BCKDHB: variants seen among roughly 807,000 people sequenced by gnomAD.
The protein encoded by BCKDHB is 2-oxoisovalerate dehydrogenase subunit beta, mitochondrial.
In BCKDHB, 41 loss-of-function variants were observed where a neutral mutation model predicts 48.5. The ratio of observed to expected loss-of-function variants is 0.85; its 90% CI spans 0.66 to 1.10. The LOEUF (loss-of-function observed/expected upper bound fraction) is 1.10, where lower values mean the gene tolerates loss of function less well. BCKDHB is among the 50% of genes least tolerant of loss of function. The pLI is 0.00. For synonymous variants in BCKDHB, 201 were observed against 174.8 expected (o/e 1.15, Z -1.18); for missense variants, 496 against 494.2 (o/e 1.00, Z -0.03).
chr6:80,165,636 A>T (rs1480133980), intron 3 of BCKDHB, among the ~76,000 whole-genome samples: 1 of 152,192 alleles, frequency 6.6e-6, no homozygotes, highest in Non-Finnish European at 1.5e-5. Flanking sequence ...TTTCTAATGA[A>T]ATTCTGGCAT....
chr6:80,394,358 A>G, the BCKDHB span, among the ~76,000 whole-genome samples: 47 of 152,068 alleles, frequency 3.1e-4, no homozygotes, highest in Non-Finnish European at 5.4e-4. Flanking sequence ...TTATATTCTG[A>G]ATATATCTAT....
At chr6:80,343,127 G>A (rs1455605637) in intron 9 of BCKDHB, among the ~76,000 whole-genome samples, 1 of 152,188 alleles carries the variant, frequency 6.6e-6, no homozygotes, top group African/African-American at 2.4e-5. Flanking sequence ...TGGACTTGGG[G>A]TGTGAGTGGC....
At chr6:80,224,359 C>T (rs1242950218) in intron 8 of BCKDHB, among the ~76,000 whole-genome samples, 2 of 152,104 alleles carry the variant, frequency 1.3e-5, no homozygotes, top group East Asian at 1.9e-4. Flanking sequence ...CATATGTCTA[C>T]AAGCATTTCA....
At chr6:80,360,028 A>G in the BCKDHB span, among the ~76,000 whole-genome samples, 9 of 152,344 alleles carry the variant, frequency 5.9e-5, no homozygotes, top group African/African-American at 1.9e-4. Flanking sequence ...AAATTGCCTA[A>G]TCTTTTCTTA....
At chr6:80,329,408 A>G (rs1452183762) in intron 9 of BCKDHB, among the ~76,000 whole-genome samples, 1 of 152,196 alleles carries the variant, frequency 6.6e-6, no homozygotes, top group Non-Finnish European at 1.5e-5. Flanking sequence ...GGTATCCTAT[A>G]AATGAACCCT....
intron 3 of BCKDHB, among the ~76,000 whole-genome samples, chr6:80,149,768 A>G (rs1207318647): frequency 6.7e-6 from 1 of 148,408 alleles, no homozygotes; most frequent in African/African-American, 2.5e-5. Context: ...CATAGGTGGG[A>G]ATTGAACAAT....
intron 6 of BCKDHB, among the ~76,000 whole-genome samples, chr6:80,172,351 A>G (rs1772958366): frequency 1.3e-5 from 2 of 152,078 alleles, no homozygotes; most frequent in Non-Finnish European, 1.5e-5. Context: ...GTTCATTTCT[A>G]TTACAATAAT....
At chr6:80,118,675 T>C (rs1769837519) in intron 1 of BCKDHB, among the ~76,000 whole-genome samples, 1 of 152,216 alleles carries the variant, frequency 6.6e-6, no homozygotes, top group South Asian at 2.1e-4. Context: ...ACCCTGCCAC[T>C]TCTTTATCAG....
chr6:80,431,497 G>T, the BCKDHB span, among the ~76,000 whole-genome samples: 1 of 152,096 alleles, frequency 6.6e-6, no homozygotes, highest in Non-Finnish European at 1.5e-5. Context: ...TATGAATCTG[G>T]GTGCTCCTGT....
chr6:80,396,526 T>C, the BCKDHB span, among the ~76,000 whole-genome samples: 4 of 151,838 alleles, frequency 2.6e-5, no homozygotes, highest in Non-Finnish European at 5.9e-5. Context: ...GAAAATGAGA[T>C]TTGGGAGGGA....
intron 3 of BCKDHB, among the ~76,000 whole-genome samples, chr6:80,152,653 T>G (rs1771844899): frequency 1.3e-5 from 2 of 152,190 alleles, no homozygotes; most frequent in South Asian, 4.1e-4. Context: ...TTAGCTTACA[T>G]AAAGTTAAGA....
At chr6:80,282,412 T>A (rs1356146327) in intron 9 of BCKDHB, among the ~76,000 whole-genome samples, 1 of 150,280 alleles carries the variant, frequency 6.7e-6, no homozygotes, top group Non-Finnish European at 1.5e-5. Flanking sequence ...ATTCAAGAAT[T>A]CTAGGAATCC....
chr6:80,282,439 C>T (rs947094348), intron 9 of BCKDHB, among the ~76,000 whole-genome samples: 2 of 152,044 alleles, frequency 1.3e-5, no homozygotes, highest in African/African-American at 4.8e-5. Context: ...AGGAGTTAAA[C>T]ACAAAAATAT....
chr6:80,182,938 C>T (rs913818143), intron 6 of BCKDHB, among the ~76,000 whole-genome samples: 2 of 151,944 alleles, frequency 1.3e-5, no homozygotes, highest in African/African-American at 4.8e-5. Flanking sequence ...TTCATAAAAC[C>T]GTATTCATTT....
At chr6:80,450,400 A>G in the BCKDHB span, among the ~76,000 whole-genome samples, 7 of 152,144 alleles carry the variant, frequency 4.6e-5, no homozygotes, top group Non-Finnish European at 8.8e-5. Flanking sequence ...CTTGGCCAGT[A>G]GTGAGACAAG....
chr6:80,117,514 G>A (rs1309579784), intron 1 of BCKDHB, among the ~76,000 whole-genome samples: 1 of 152,192 alleles, frequency 6.6e-6, no homozygotes, highest in South Asian at 2.1e-4. Flanking sequence ...CCCAAAACTG[G>A]CCATAAAGAG....
chr6:80,106,779 C>T lies in BCKDHB; in HGVS notation c.86C>T (p.Ala29Val), dbSNP rs9448884. 278 of 1,592,448 alleles carry T rather than the reference C, an allele frequency of 1.7e-4. No homozygotes were observed. The African/African-American group carries it at 2.1e-3, about 12-fold the overall frequency. The change falls in exon 1 of 10, where the codon GCG becomes GTG. Residue 29 changes from alanine to valine, a missense_variant. By Grantham distance (64) the Ala-to-Val change is moderately conservative. Coordinates refer to ENST00000320393, the MANE Select transcript of BCKDHB (RefSeq NM_183050.4). ...AEGHWRRLPG[A>V]GLARGFLHPA... Reference sequence around the variant, plus strand: ...GGGCACTGGCGTCGGCTTCCTGGCGCGGGGCTGGCGCGGGGCTTTTTGCAC... The same window carrying T: ...GGGCACTGGCGTCGGCTTCCTGGCGTGGGGCTGGCGCGGGGCTTTTTGCAC...
the BCKDHB span, among the ~76,000 whole-genome samples, chr6:80,384,868 C>T: frequency 2.0e-5 from 3 of 152,106 alleles, no homozygotes; most frequent in Non-Finnish European, 4.4e-5. Context: ...GGATGGACTT[C>T]TTTTGTTGGT....
At position 80,344,084 on chromosome 6, in the gene BCKDHB, T is replaced by TC. The variant is rs71553605; in HGVS notation, c.*286dup. ...GGTGCAATCTCAGCTCACTGCAACC[T>TC]CCCCCCTACCCCTGAGTTCAAGCGA... is the stretch of plus-strand genomic sequence containing the variant. On this transcript the variant is annotated 3_prime_UTR_variant, in exon 10 of 10. Transcript: ENST00000320393. 2.3e-6 allele frequency: 1 copy of TC among 427,536 alleles called. No homozygotes were observed. The highest frequency in any genetic ancestry group is 4.3e-6 in the Non-Finnish European group (1 of 230,328). 26.5% of individuals were successfully genotyped at this position (427,536 alleles called of 1,614,324 possible). A position where few individuals can be genotyped will look rare whatever the true frequency, so the allele number is the denominator to read the frequency against.
Sources: allele counts gnomAD v4.1 joint callset (sites outside exome capture counted in the v4.1 genomes callset), GRCh38; gene constraint gnomAD v4.1.1; transcripts MANE v1.5; gene names NCBI Gene and HGNC (gene_info 2026-07-23, HGNC 2026-07-21).